The following GABRB3 variants were observed in gnomAD, a reference collection of about 807,000 sequenced individuals.
The protein encoded by GABRB3 is gamma-aminobutyric acid type A receptor subunit beta3.
A neutral mutation model predicts 52.1 loss-of-function variants in GABRB3; 14 were observed. The ratio of observed to expected loss-of-function variants is 0.27; its 90% CI spans 0.18 to 0.42. The LOEUF (loss-of-function observed/expected upper bound fraction) is 0.42. Ranked by LOEUF, GABRB3 falls within the 10% of genes least tolerant of loss-of-function variation. GABRB3 has a pLI of 1.00. For synonymous variants in GABRB3, 260 were observed against 232.3 expected (o/e 1.12, Z -1.08); for missense variants, 307 against 609.1 (o/e 0.50, Z 5.22).
chr15:26,718,439 C>CCT (rs1243149726), intron 3 of GABRB3, among the ~76,000 whole-genome samples: 2 of 152,110 alleles, frequency 1.3e-5, no homozygotes, highest in African/African-American at 4.8e-5. Context: ...GAACTCCCGA[C>CCT]CTCAGGTGAT....
Position 26,548,118 on chromosome 15 carries a change from T to C in GABRB3, c.1097A>G (p.Asn366Ser), listed in dbSNP as rs759847671. 5 of 1,614,148 alleles carry C rather than the reference T, an allele frequency of 3.1e-6. No individual in the cohort carries two copies. The highest frequency in any genetic ancestry group is 1.7e-5 in the Admixed American group (1 of 60,026). Residue 366 changes from asparagine (N) to serine (S), a missense_variant, in exon 9 of 9, where the codon AAT (asparagine) becomes AGT (serine). By Grantham distance (46) the Asn-to-Ser change is conservative. Around this residue, in one of 6 missense-constraint regions of GABRB3, gnomAD observed 115 missense variants for 166.9 expected, o/e 0.69. Coordinates refer to ENST00000311550, the MANE Select transcript of GABRB3 (RefSeq NM_000814.6). Reference protein sequence around the residue: ...SESNRVDAHGNILLTSLEVHN... With the variant: ...SESNRVDAHGSILLTSLEVHN... ...AACTTCCAGCGATGTCAACAGAATA[T>C]TTCCATGAGCATCCACCTAATTGGA...
intron 3 of GABRB3, among the ~76,000 whole-genome samples, chr15:26,674,308 G>T (rs1887990234): frequency 6.7e-6 from 1 of 148,170 alleles, no homozygotes; most frequent in South Asian, 2.1e-4. Flanking sequence ...GGCTGAGGCA[G>T]AAGAATCACT....
chr15:26,653,606 T>A (rs938468473), intron 3 of GABRB3, among the ~76,000 whole-genome samples: 5 of 152,198 alleles, frequency 3.3e-5, no homozygotes, highest in Admixed American at 6.5e-5. Context: ...TTTAGCTGGC[T>A]CTGCATGAGT....
At chr15:26,685,369 T>A (rs1173495125) in intron 3 of GABRB3, among the ~76,000 whole-genome samples, 1 of 152,144 alleles carries the variant, frequency 6.6e-6, no homozygotes, top group African/African-American at 2.4e-5. Context: ...GATACAGGAA[T>A]GGAGGCACGA....
At chr15:26,622,152 T>C (rs1286506887) in intron 3 of GABRB3, among the ~76,000 whole-genome samples, 1 of 152,038 alleles carries the variant, frequency 6.6e-6, no homozygotes, top group African/African-American at 2.4e-5. Flanking sequence ...GATGATGACA[T>C]ATTCACCTGA....
chr15:26,544,619 T>C lies in GABRB3; in HGVS notation c.*3174A>G, dbSNP rs1160069603. 6.6e-6 allele frequency: 1 copy of C among 152,212 alleles called. No individual in the cohort carries two copies. The highest frequency in any genetic ancestry group is 1.5e-5 in the Non-Finnish European group (1 of 68,064). The allele number at this position is 152,212 out of a possible 1,614,324, so 9.4% of individuals were successfully genotyped here. A position where few individuals can be genotyped will look rare whatever the true frequency, so the allele number is the denominator to read the frequency against. ...TGGTGAACAGGAATAACACTTGTTTTAAGGACTACTCAAGTCTATCAGTCT... is the reference window on the plus strand; with the variant it reads ...TGGTGAACAGGAATAACACTTGTTTCAAGGACTACTCAAGTCTATCAGTCT... On this transcript the variant is annotated 3_prime_UTR_variant, in exon 9 of 9. Transcript: ENST00000311550.
intron 3 of GABRB3, among the ~76,000 whole-genome samples, chr15:26,692,209 G>T (rs538416937): frequency 4.6e-5 from 7 of 152,310 alleles, no homozygotes; most frequent in African/African-American, 1.7e-4. Flanking sequence ...TCATGGAGGT[G>T]ATCTTTCTCT....
intron 3 of GABRB3, among the ~76,000 whole-genome samples, chr15:26,664,989 C>T (rs1007656315): frequency 6.6e-6 from 1 of 151,926 alleles, no homozygotes; most frequent in African/African-American, 2.4e-5. Context: ...CGTGAACGCC[C>T]TTATCATTTC....
intron 4 of GABRB3, among the ~76,000 whole-genome samples, chr15:26,589,020 C>T (rs547012098): frequency 5.2e-4 from 79 of 152,286 alleles, no homozygotes; most frequent in Non-Finnish European, 9.6e-4. Context: ...TGTCTTTGGA[C>T]GCTGTCTTCA....
At chr15:26,718,899 C>T (rs1440223196) in intron 3 of GABRB3, among the ~76,000 whole-genome samples, 1 of 152,206 alleles carries the variant, frequency 6.6e-6, no homozygotes, top group East Asian at 1.9e-4. Context: ...TTCAGCCTGC[C>T]TCTCCCCACA....
chr15:26,697,507 C>G (rs1290119848), intron 3 of GABRB3, among the ~76,000 whole-genome samples: 2 of 152,118 alleles, frequency 1.3e-5, no homozygotes, highest in African/African-American at 2.4e-5. Context: ...TCCCTCCACC[C>G]TGGCACACTC....
intron 3 of GABRB3, among the ~76,000 whole-genome samples, chr15:26,743,360 T>C (rs1047167302): frequency 6.6e-6 from 1 of 152,130 alleles, no homozygotes; most frequent in Non-Finnish European, 1.5e-5. Flanking sequence ...CAGGTAGGAG[T>C]TGAATCCCAG....
At chr15:26,764,209 T>A (rs1331105352) in intron 3 of GABRB3, among the ~76,000 whole-genome samples, 1 of 47,518 alleles carries the variant, frequency 2.1e-5, no homozygotes, top group African/African-American at 8.2e-5. Flanking sequence ...TATATATATA[T>A]ATATATATAT....
intron 4 of GABRB3, among the ~76,000 whole-genome samples, chr15:26,611,381 T>A (rs1184801002): frequency 6.6e-6 from 1 of 152,198 alleles, no homozygotes; most frequent in African/African-American, 2.4e-5. Context: ...AATGCTAACA[T>A]TTGATAGGCA....
chr15:26,727,536 C>T (rs1450680519), intron 3 of GABRB3, among the ~76,000 whole-genome samples: 1 of 152,098 alleles, frequency 6.6e-6, no homozygotes, highest in Non-Finnish European at 1.5e-5. Flanking sequence ...ATACTAAATG[C>T]TCACCTAAGC....
intron 3 of GABRB3, chr15:26,625,334 G>A (rs767113374): frequency 3.3e-5 from 12 of 365,474 alleles, no homozygotes; most frequent in South Asian, 2.2e-4. Context: ...CCAACCCATC[G>A]CCAAACATTT....
chr15:26,647,249 A>T (rs1056096852), intron 3 of GABRB3, among the ~76,000 whole-genome samples: 3 of 152,212 alleles, frequency 2.0e-5, no homozygotes, highest in African/African-American at 7.2e-5. Context: ...TAGTCTGAAT[A>T]CATGTTCCTT....
intron 3 of GABRB3, among the ~76,000 whole-genome samples, chr15:26,770,086 C>G (rs1000140318): frequency 2.2e-4 from 33 of 152,298 alleles, no homozygotes; most frequent in African/African-American, 7.5e-4. Flanking sequence ...CTATTTGAGG[C>G]TCCTTTAGGA....
At chr15:26,694,245 C>A (rs1307336968) in intron 3 of GABRB3, among the ~76,000 whole-genome samples, 1 of 152,202 alleles carries the variant, frequency 6.6e-6, no homozygotes, top group African/African-American at 2.4e-5. Context: ...CCAGACAAAT[C>A]TATTCTTCTT....
Sources: gnomAD v4.1 joint callset for allele counts (sites outside exome capture counted in the v4.1 genomes callset) on GRCh38, gnomAD v4.1.1 for gene constraint, gnomAD v4.1.1 regional missense constraint, MANE v1.5 for transcripts, NCBI Gene and HGNC (gene_info 2026-07-23, HGNC 2026-07-21) for gene names.